INTU: variants seen among roughly 807,000 people sequenced by gnomAD.
INTU encodes inturned planar cell polarity protein.
Under a neutral mutation model 100.5 loss-of-function variants are expected in INTU, and 68 were observed. The ratio of observed to expected loss-of-function variants is 0.68; its 90% CI spans 0.56 to 0.83. The LOEUF (loss-of-function observed/expected upper bound fraction) is 0.83, where lower values mean the gene tolerates loss of function less well. Among genes scored for constraint, INTU ranks in the 40% least tolerant of loss-of-function variants. The pLI, the probability that INTU is intolerant of heterozygous loss-of-function variation, is 0.00. For missense variants in INTU, 1,071 were observed against 1,114.7 expected, an observed-to-expected ratio of 0.96 and a Z score of 0.56; for synonymous variants, 357 against 395.7, an observed-to-expected ratio of 0.90 and a Z score of 1.16.
At chr4:127,714,199 G>T in intron 15 of INTU, 106 bp downstream of exon 15, 3 of 788,246 alleles carry the variant, frequency 3.8e-6, no homozygotes, top group Non-Finnish European at 5.9e-6. Context: ...TTTTTATCTA[G>T]CTATACTATT....
At chr4:127,676,640 A>G (rs1659024398) in intron 6 of INTU, among the ~76,000 whole-genome samples, 1 of 151,742 alleles carries the variant, frequency 6.6e-6, no homozygotes, top group Admixed American at 6.6e-5. Context: ...GAATAGGAAC[A>G]GGTCCAGTCT....
chr4:127,644,086 G>T, intron 2 of INTU, 30 bp downstream of exon 2: 2 of 1,578,190 alleles, frequency 1.3e-6, no homozygotes, highest in Non-Finnish European at 1.7e-6. Context: ...ATCCATCCCT[G>T]TTTACAGAGA....
rs190738965 is a variant in INTU, at chr4:127,642,782, T to G, written c.147-739T>G. Among the ~76,000 whole-genome samples the G allele has an allele frequency of 8.6e-4, 131 of 152,272 alleles. 1 individual carries two copies. The highest frequency in any genetic ancestry group is 3.0e-3 in the African/African-American group (125 of 41,576). On this transcript the variant is annotated intron_variant, in intron 1 of 15. Coordinates refer to ENST00000335251, the MANE Select transcript of INTU (RefSeq NM_015693.4). ...TTTTAATAGCAGTAATTTTGTTTTT[T>G]TTTTCAGTGGCATACTTCCCAGTTA...
Position 127,687,677 on chromosome 4 carries a change from G to A in INTU, c.1260-1G>A. 1 of 1,605,166 alleles carries A rather than the reference G, an allele frequency of 6.2e-7. No homozygotes were observed. On this transcript the variant is annotated splice_acceptor_variant, in intron 7 of 15. Transcript: ENST00000335251. LOFTEE classifies it high-confidence loss of function. ...CTAACTTACAGCTCTTATTTCTCCA[G>A]TGCCTTTTGCCAGATTGAGAATGTT...
rs542416149 is a variant in INTU, at chr4:127,643,447, C to T, written c.147-74C>T. On this transcript the variant is annotated intron_variant, in intron 1 of 15. Transcript: ENST00000335251. ...CCTGCTCCCCAGCCCCAACCCTCAC[C>T]CCCATGCCAGGATGACATACCTTTC... The T allele has an allele frequency of 8.0e-5, 100 of 1,249,212 alleles. 1 individual carries two copies. The African/African-American group carries it at 1.5e-3, about 18-fold the overall frequency. The allele number at this position is 1,249,212 out of a possible 1,614,324, so 77.4% of individuals were successfully genotyped here.
intron 8 of INTU, among the ~76,000 whole-genome samples, chr4:127,693,793 AT>A (rs2148719094): frequency 6.6e-6 from 1 of 152,148 alleles, no homozygotes; most frequent in South Asian, 2.1e-4. Context: ...AGGATGCCGG[AT>A]TTTGTCAAAT....
chr4:127,707,074 G>C, intron 12 of INTU, 105 bp downstream of exon 12: 3 of 1,283,488 alleles, frequency 2.3e-6, no homozygotes, highest in South Asian at 2.9e-5. Flanking sequence ...TTCTTCATTT[G>C]ACATGGTGGT....
chr4:127,659,991 C>G (rs1475337831), intron 3 of INTU, among the ~76,000 whole-genome samples: 1 of 151,942 alleles, frequency 6.6e-6, no homozygotes, highest in Non-Finnish European at 1.5e-5. Flanking sequence ...TTCTCAGAAC[C>G]CAGAAGTAAC....
At chr4:127,702,886 CT>C (rs1730710218) in intron 9 of INTU, among the ~76,000 whole-genome samples, 1 of 152,050 alleles carries the variant, frequency 6.6e-6, no homozygotes, top group Non-Finnish European at 1.5e-5. Flanking sequence ...GTGAATCATC[CT>C]GCTCAGCCTG....
At chr4:127,669,369 C>A (rs1385184490) in intron 5 of INTU, among the ~76,000 whole-genome samples, 6 of 151,648 alleles carry the variant, frequency 4.0e-5, no homozygotes, top group Non-Finnish European at 7.4e-5. Flanking sequence ...TTTGCTTCAT[C>A]TAAGTTATTT....
At chr4:127,713,094 A>C (rs1440925897) in intron 14 of INTU, among the ~76,000 whole-genome samples, 3 of 152,206 alleles carry the variant, frequency 2.0e-5, no homozygotes. Context: ...CTTTGTTCTG[A>C]AAGAGATGAT....
intron 6 of INTU, among the ~76,000 whole-genome samples, chr4:127,676,817 C>A (rs1729217622): frequency 6.6e-6 from 1 of 152,164 alleles, no homozygotes. Context: ...TCGGGAAGCG[C>A]AAGGGGTCAG....
chr4:127,642,460 G>A (rs563119223), intron 1 of INTU, among the ~76,000 whole-genome samples: 3 of 152,270 alleles, frequency 2.0e-5, no homozygotes, highest in Admixed American at 2.0e-4. Flanking sequence ...TTTTCAAAGT[G>A]TTTAGAAAGA....
intron 15 of INTU, among the ~76,000 whole-genome samples, chr4:127,715,384 A>G (rs944091542): frequency 2.6e-5 from 4 of 152,170 alleles, no homozygotes; most frequent in Non-Finnish European, 4.4e-5. Context: ...CTTTACAGAC[A>G]TTATCCAAAG....
chr4:127,674,663 T>C (rs1010867601), intron 6 of INTU, among the ~76,000 whole-genome samples: 1 of 152,204 alleles, frequency 6.6e-6, no homozygotes, highest in Non-Finnish European at 1.5e-5. Context: ...TAATGGTACA[T>C]CTTATATTAT....
At chr4:127,633,260 G>A (rs928419644) in intron 1 of INTU, 80 bp downstream of exon 1, 5 of 1,445,844 alleles carry the variant, frequency 3.5e-6, no homozygotes, top group Admixed American at 1.9e-5. Context: ...AACTGCAAGG[G>A]TGTTGGCGTG....
intron 8 of INTU, among the ~76,000 whole-genome samples, chr4:127,692,742 A>C (rs1578613213): frequency 6.6e-6 from 1 of 152,174 alleles, no homozygotes; most frequent in East Asian, 1.9e-4. Flanking sequence ...TCTTTGATCC[A>C]TCTTGAGTTG....
intron 14 of INTU, among the ~76,000 whole-genome samples, chr4:127,712,241 C>A (rs1731120975): frequency 6.6e-6 from 1 of 152,138 alleles, no homozygotes; most frequent in Admixed American, 6.5e-5. Flanking sequence ...TCTCCAGGTT[C>A]ATTCAGCAGT....
chr4:127,688,959 T>TTTTC (rs1729967545), intron 8 of INTU, among the ~76,000 whole-genome samples: 7 of 42,770 alleles, frequency 1.6e-4, no homozygotes, highest in East Asian at 6.5e-4. Context: ...TTTCTTTTTC[T>TTTTC]TTTCTTTCTT....
Sources: allele counts gnomAD v4.1 joint callset (sites outside exome capture counted in the v4.1 genomes callset), GRCh38; gene constraint gnomAD v4.1.1; transcripts MANE v1.5; gene names NCBI Gene and HGNC (gene_info 2026-07-23, HGNC 2026-07-21).